Variants in GALNT13 observed in about 807,000 individuals in gnomAD.
The protein encoded by GALNT13 is polypeptide N-acetylgalactosaminyltransferase 13, also known as UDP-GalNAc:polypeptide N-acetylgalactosaminyltransferase 13.
Under a neutral mutation model 64.2 loss-of-function variants are expected in GALNT13, and 28 were observed. The ratio of observed to expected loss-of-function variants is 0.44; its 90% CI spans 0.32 to 0.60. The LOEUF (loss-of-function observed/expected upper bound fraction) is 0.60, where lower values mean the gene tolerates loss of function less well. Among genes scored for constraint, GALNT13 ranks in the 20% least tolerant of loss-of-function variants. The probability of loss-of-function intolerance (pLI) is 0.05; values close to 1 mark genes in which losing one functional copy is unlikely to be tolerated. For missense variants in GALNT13, 577 were observed against 669.8 expected (o/e 0.86, Z 1.53); for synonymous variants, 214 against 224.6 (o/e 0.95, Z 0.42).
the GALNT13 span, among the ~76,000 whole-genome samples, chr2:153,597,970 T>A: frequency 6.6e-6 from 1 of 152,082 alleles, no homozygotes; most frequent in African/African-American, 2.4e-5. Context: ...AGAACCCTCA[T>A]ATACTACTGG....
At chr2:153,642,088 A>G in the GALNT13 span, among the ~76,000 whole-genome samples, 1 of 151,932 alleles carries the variant, frequency 6.6e-6, no homozygotes, top group Non-Finnish European at 1.5e-5. Context: ...AGCTATTTAA[A>G]TTATTTTATC....
Position 153,884,766 on chromosome 2 carries a change from A to AATATATATATATATATATATATAT in GALNT13, c.-177+12483_-177+12484insATATATATATATATATATATATAT, listed in dbSNP as rs372541314. 2.6e-3 allele frequency among the ~76,000 whole-genome samples: 298 copies of AATATATATATATATATATATATAT among 116,154 alleles called. 2 individuals are homozygous for AATATATATATATATATATATATAT. Among genetic ancestry groups the AATATATATATATATATATATATAT allele is most frequent in the African/African-American group, 9.4e-3 (258 of 27,462 alleles). 76.2% of individuals were successfully genotyped at this position (116,154 alleles called of 152,430 possible). A position where few individuals can be genotyped will look rare whatever the true frequency, so the allele number is the denominator to read the frequency against. On this transcript the variant is annotated intron_variant, in intron 1 of 12. Transcript: ENST00000392825. ...AAACCCAGTCTGTACTAAAAATACG[A>AATATATATATATATATATATATAT]ATATATATATATATATATATGTGTG...
the GALNT13 span, among the ~76,000 whole-genome samples, chr2:153,230,536 T>C: frequency 1.3e-5 from 2 of 152,152 alleles, no homozygotes; most frequent in African/African-American, 4.8e-5. Context: ...AAATAATTCA[T>C]CATGATGTTA....
At chr2:153,228,232 A>T in the GALNT13 span, among the ~76,000 whole-genome samples, 1 of 152,100 alleles carries the variant, frequency 6.6e-6, no homozygotes, top group Non-Finnish European at 1.5e-5. Flanking sequence ...CCTGAGTGAC[A>T]CTCAGGGTTG....
the GALNT13 span, among the ~76,000 whole-genome samples, chr2:153,425,319 T>G: frequency 6.6e-6 from 1 of 151,690 alleles, no homozygotes; most frequent in Non-Finnish European, 1.5e-5. Context: ...TTGCAATATT[T>G]TATTATTAAA....
At chr2:154,422,507 T>C (rs1358121543) in intron 11 of GALNT13, among the ~76,000 whole-genome samples, 1 of 152,204 alleles carries the variant, frequency 6.6e-6, no homozygotes, top group Non-Finnish European at 1.5e-5. Context: ...AACAGCCTAG[T>C]GTCCATTCCA....
chr2:153,301,320 A>AAAAAAAAAAAAAAAAAAAAAAAG, the GALNT13 span, among the ~76,000 whole-genome samples: 4 of 126,710 alleles, frequency 3.2e-5, 1 homozygote, highest in Non-Finnish European at 5.0e-5. Context: ...AAAAAAAAAG[A>AAAAAAAAAAAAAAAAAAAAAAAG]AAAAAAAAAA....
At chr2:153,370,103 C>T in the GALNT13 span, among the ~76,000 whole-genome samples, 53,441 of 151,942 alleles carry the variant, frequency 0.35, 10,088 homozygotes, top group Non-Finnish European at 0.43. Flanking sequence ...TAAATGTTAG[C>T]GAACCAACTT....
rs1209669214 is a variant in GALNT13 at position 154,298,792 on chromosome 2, T to TATAAA, written c.976-2617_976-2616insATAAA. On this transcript the variant is annotated intron_variant, in intron 8 of 12. Coordinates refer to ENST00000392825, the MANE Select transcript of GALNT13 (RefSeq NM_052917.4). ...ATTATATATTTATTTATATATTATA[T>TATAAA]TATTTATATATAAATTATATATTAT... 7.1e-3 allele frequency among the ~76,000 whole-genome samples: 840 copies of TATAAA among 118,272 alleles called. 328 individuals carry two copies. The highest frequency in any genetic ancestry group is 0.041 in the Middle Eastern group (4 of 98). 77.6% of individuals were successfully genotyped at this position (118,272 alleles called of 152,430 possible). A position where few individuals can be genotyped will look rare whatever the true frequency, so the allele number is the denominator to read the frequency against.
intron 10 of GALNT13, among the ~76,000 whole-genome samples, chr2:154,408,750 A>C (rs919788479): frequency 6.6e-6 from 1 of 152,058 alleles, no homozygotes; most frequent in South Asian, 2.1e-4. Flanking sequence ...TTTCTTGATT[A>C]GATGCCAATG....
the GALNT13 span, among the ~76,000 whole-genome samples, chr2:153,431,930 T>C: frequency 6.6e-6 from 1 of 152,216 alleles, no homozygotes; most frequent in Non-Finnish European, 1.5e-5. Flanking sequence ...CCCTCAAGTA[T>C]TGCAGCTGTA....
chr2:153,356,958 C>T, the GALNT13 span, among the ~76,000 whole-genome samples: 1 of 151,812 alleles, frequency 6.6e-6, no homozygotes, highest in Non-Finnish European at 1.5e-5. Context: ...CCACCACGCC[C>T]AGCTAACTTT....
intron 3 of GALNT13, among the ~76,000 whole-genome samples, chr2:153,968,402 C>T (rs1693518942): frequency 6.6e-6 from 1 of 152,160 alleles, no homozygotes; most frequent in South Asian, 2.1e-4. Flanking sequence ...CTTTGCTGTC[C>T]CTTCTTCAAG....
At chr2:153,694,829 C>T in the GALNT13 span, among the ~76,000 whole-genome samples, 2 of 152,042 alleles carry the variant, frequency 1.3e-5, no homozygotes, top group Non-Finnish European at 2.9e-5. Flanking sequence ...TATGTCCGGA[C>T]AATAAAGTTT....
chr2:154,330,151 C>G (rs1270979711), intron 9 of GALNT13, among the ~76,000 whole-genome samples: 2 of 152,080 alleles, frequency 1.3e-5, no homozygotes, highest in African/African-American at 4.8e-5. Flanking sequence ...AGCAAGGAGA[C>G]ACAATCTCAT....
the GALNT13 span, among the ~76,000 whole-genome samples, chr2:153,200,806 A>T: frequency 6.6e-6 from 1 of 152,222 alleles, no homozygotes; most frequent in Non-Finnish European, 1.5e-5. Flanking sequence ...TGGAATTTGA[A>T]ATCATAGGAG....
intron 8 of GALNT13, among the ~76,000 whole-genome samples, chr2:154,295,973 G>A (rs1052223863): frequency 6.6e-5 from 10 of 152,178 alleles, no homozygotes; most frequent in African/African-American, 1.4e-4. Context: ...TCTTAAAACT[G>A]TGCTCAGCTT....
intron 3 of GALNT13, among the ~76,000 whole-genome samples, chr2:154,000,298 C>T (rs1265965857): frequency 6.6e-6 from 1 of 151,102 alleles, no homozygotes; most frequent in African/African-American, 2.5e-5. Flanking sequence ...GTTTTTATTT[C>T]TATCTCATTT....
chr2:154,205,581 C>T (rs1687397929), intron 4 of GALNT13, among the ~76,000 whole-genome samples: 1 of 152,174 alleles, frequency 6.6e-6, no homozygotes, highest in African/African-American at 2.4e-5. Context: ...GACTGGACAA[C>T]TTACAAAAGA....
Sources: allele counts gnomAD v4.1 joint callset (sites outside exome capture counted in the v4.1 genomes callset), GRCh38; gene constraint gnomAD v4.1.1; transcripts MANE v1.5; gene names NCBI Gene and HGNC (gene_info 2026-07-23, HGNC 2026-07-21).